The following KIAA0753 variants were observed in gnomAD, a reference collection of about 807,000 sequenced individuals.
KIAA0753 encodes the protein protein moonraker.
In KIAA0753, 114 loss-of-function variants were observed where a neutral mutation model predicts 116.9. That is an observed-to-expected ratio of 0.98 (90% confidence interval 0.84 to 1.14). KIAA0753 has a LOEUF of 1.14. Ranked by LOEUF, KIAA0753 falls within the 50% of genes most tolerant of loss-of-function variation. KIAA0753 has a pLI of 0.00. For synonymous variants in KIAA0753, 405 were observed against 413.1 expected (o/e 0.98, Z 0.24); for missense variants, 1,156 against 1,172.4 (o/e 0.99, Z 0.20).
chr17:6,615,580 A>C (rs892175630), intron 7 of KIAA0753, among the ~76,000 whole-genome samples: 2 of 125,928 alleles, frequency 1.6e-5, no homozygotes, highest in Non-Finnish European at 3.1e-5. Flanking sequence ...ATGCCATTAC[A>C]CTCCAGCCTG....
At chr17:6,606,133 T>G (rs1320466620) in intron 12 of KIAA0753, among the ~76,000 whole-genome samples, 1 of 152,096 alleles carries the variant, frequency 6.6e-6, no homozygotes, top group Non-Finnish European at 1.5e-5. Context: ...AAGCCTCAGT[T>G]GGGGGGAAAA....
At chr17:6,602,062 C>G (rs1220127142) in intron 12 of KIAA0753, among the ~76,000 whole-genome samples, 6 of 152,128 alleles carry the variant, frequency 3.9e-5, no homozygotes, top group Non-Finnish European at 5.9e-5. Context: ...AAATTAATAC[C>G]ACAAAGAGAT....
intron 3 of KIAA0753, among the ~76,000 whole-genome samples, chr17:6,625,953 C>A (rs1971640435): frequency 6.6e-6 from 1 of 152,198 alleles, no homozygotes; most frequent in Non-Finnish European, 1.5e-5. Flanking sequence ...GCACCTGCCT[C>A]AGCCTCCAAA....
At chr17:6,601,828 A>C (rs996344448) in intron 12 of KIAA0753, among the ~76,000 whole-genome samples, 2 of 152,208 alleles carry the variant, frequency 1.3e-5, no homozygotes, top group Non-Finnish European at 2.9e-5. Flanking sequence ...AGAATTTAAC[A>C]CTTTTAGTCA....
chr17:6,626,690 T>C (rs1312318653), intron 3 of KIAA0753, among the ~76,000 whole-genome samples: 1 of 152,336 alleles, frequency 6.6e-6, no homozygotes, highest in East Asian at 1.9e-4. Context: ...GAAAGGTAAG[T>C]ACAGAAATTT....
At position 6,626,048 on chromosome 17, in the gene KIAA0753, T is replaced by C. The variant is rs952995828; in HGVS notation, c.719-1187A>G. ...AAGTCTTTTCTCTAACATATTAAGA[T>C]AGCAAGTCTCAAAATTATTTGAGTG... On this transcript the variant is annotated intron_variant, in intron 3 of 18. Transcript: ENST00000361413. Among the ~76,000 whole-genome samples, 6 of 152,248 alleles carry C rather than the reference T, an allele frequency of 3.9e-5. No homozygotes were observed. The South Asian group carries it at 6.2e-4, about 16-fold the overall frequency.
chr17:6,606,831 C>G (rs766853520), intron 12 of KIAA0753, 42 bp downstream of exon 12: 2 of 1,532,766 alleles, frequency 1.3e-6, no homozygotes, highest in Admixed American at 1.7e-5. Flanking sequence ...TCAATTAGAA[C>G]AGGCAAACAT....
intron 2 of KIAA0753, among the ~76,000 whole-genome samples, chr17:6,632,222 A>G (rs560128720): frequency 6.6e-6 from 1 of 152,318 alleles, no homozygotes; most frequent in East Asian, 1.9e-4. Context: ...TTTTTACACC[A>G]TAAAGTGGTC....
intron 10 of KIAA0753, among the ~76,000 whole-genome samples, chr17:6,608,032 T>C (rs1247896612): frequency 6.8e-6 from 1 of 146,146 alleles, no homozygotes; most frequent in Non-Finnish European, 1.5e-5. Flanking sequence ...AGGGCTGGGA[T>C]TATGGCCTAT....
chr17:6,610,133 G>A lies in KIAA0753; in HGVS notation c.1573C>T (p.Gln525Ter). Residue 525 changes from glutamine (Q) to a stop codon, truncating the protein, a stop_gained, in exon 9 of 19, where the codon CAA becomes TAA. Coordinates refer to ENST00000361413, the MANE Select transcript of KIAA0753 (RefSeq NM_014804.3). LOFTEE classifies it high-confidence loss of function. ...CTGCTTTTACTGTGAGGTTGGCTTTGTCTACCTCTTTCAGCTTTGCGGAGT... is the reference window on the plus strand; with the variant it reads ...CTGCTTTTACTGTGAGGTTGGCTTTATCTACCTCTTTCAGCTTTGCGGAGT... ...QGLRKAERGRQSQPHSKSRVQ... is the reference protein window; with the variant it reads ...QGLRKAERGR 6.2e-7 allele frequency: 1 copy of A among 1,614,098 alleles called. No homozygotes were observed. Among genetic ancestry groups the A allele is most frequent in the Non-Finnish European group, 8.5e-7 (1 of 1,180,000 alleles).
Position 6,623,028 on chromosome 17 carries a change from G to C in KIAA0753, c.958C>G (p.Gln320Glu). The change falls in exon 6 of 19, where the codon CAG (glutamine) becomes GAG (glutamate). Residue 320 changes from glutamine to glutamate, a missense_variant. Physicochemically the swap from Gln to Glu is conservative, Grantham distance 29. Coordinates refer to ENST00000361413, the MANE Select transcript of KIAA0753 (RefSeq NM_014804.3). ...GGATGCTCCCCTCGGTCAGTAAACT[G>C]AGTGACAAACATCTGTAAGGCCCGA... ...AIRALQMFVTQFTDRGEHPLP... is the reference protein window; with the variant it reads ...AIRALQMFVTEFTDRGEHPLP... 6.2e-7 allele frequency: 1 copy of C among 1,614,144 alleles called. No homozygotes were observed. Among genetic ancestry groups the C allele is most frequent in the Non-Finnish European group, 8.5e-7 (1 of 1,180,018 alleles).
At chr17:6,634,825 C>A in intron 2 of KIAA0753, 186 bp downstream of exon 2, 1 of 544,496 alleles carries the variant, frequency 1.8e-6, no homozygotes, top group Admixed American at 3.0e-5. Flanking sequence ...AGGTTGACTG[C>A]AATTTGCTTT....
At position 6,628,368 on chromosome 17, in the gene KIAA0753, T is replaced by C; in HGVS notation, c.467A>G (p.Gln156Arg). Residue 156 changes from glutamine (Q) to arginine (R), a missense_variant, in exon 3 of 19, where the codon CAG becomes CGG. Transcript: ENST00000361413. ...RKESKSQAAC[Q>R]CSHQPSKVEI... is the part of the protein sequence containing the mutation. ...TACTTTGGATGGCTGGTGGCTACAC[T>C]GACAGGCTGCTTGACTCTTTGATTC... The C allele has an allele frequency of 6.2e-7, 1 of 1,614,250 alleles. No homozygotes were observed. The highest frequency in any genetic ancestry group is 8.5e-7 in the Non-Finnish European group (1 of 1,180,034).
chr17:6,621,714 T>TTA (rs1187927889), intron 6 of KIAA0753, among the ~76,000 whole-genome samples: 1 of 152,186 alleles, frequency 6.6e-6, no homozygotes, highest in Non-Finnish European at 1.5e-5. Context: ...AGGTTAAAGG[T>TTA]ACTCTTACTC....
At chr17:6,589,605 G>T (rs756507693) in intron 18 of KIAA0753, among the ~76,000 whole-genome samples, 174 bp downstream of exon 18, 1 of 152,122 alleles carries the variant, frequency 6.6e-6, no homozygotes. Context: ...GCTGTTTTAC[G>T]GTTCCCTGTG....
intron 3 of KIAA0753, among the ~76,000 whole-genome samples, chr17:6,626,751 T>C (rs1971693650): frequency 6.6e-6 from 1 of 151,970 alleles, no homozygotes; most frequent in South Asian, 2.1e-4. Context: ...CTGTGACATT[T>C]TTATTATAGT....
At chr17:6,632,364 T>C (rs973693402) in intron 2 of KIAA0753, among the ~76,000 whole-genome samples, 8 of 152,104 alleles carry the variant, frequency 5.3e-5, no homozygotes, top group African/African-American at 1.9e-4. Flanking sequence ...ATAAAAATAA[T>C]AATGAGTCTG....
At chr17:6,625,394 TG>T (rs1321526392) in intron 3 of KIAA0753, among the ~76,000 whole-genome samples, 2 of 151,976 alleles carry the variant, frequency 1.3e-5, no homozygotes, top group Admixed American at 6.6e-5. Context: ...TGGCCAGGAG[TG>T]GTGGCTCACC....
intron 12 of KIAA0753, 75 bp downstream of exon 12, chr17:6,606,798 G>A: frequency 8.9e-7 from 1 of 1,124,192 alleles, no homozygotes; most frequent in Non-Finnish European, 1.4e-6. Flanking sequence ...AACAGTCCAG[G>A]TTGGTTGCTA....
Sources: gnomAD v4.1 joint callset for allele counts (sites outside exome capture counted in the v4.1 genomes callset) on GRCh38, gnomAD v4.1.1 for gene constraint, MANE v1.5 for transcripts, NCBI Gene and HGNC (gene_info 2026-07-23, HGNC 2026-07-21) for gene names.